Variants in GLT8D2 observed in about 807,000 individuals in gnomAD.
GLT8D2 encodes glycosyltransferase 8 domain containing 2, also known as glycosyltransferase 8 domain-containing protein 2.
Under a neutral mutation model 44.5 loss-of-function variants are expected in GLT8D2, and 45 were observed. The ratio of observed to expected loss-of-function variants is 1.01; its 90% CI spans 0.80 to 1.30. The LOEUF (loss-of-function observed/expected upper bound fraction) is 1.30. Among genes scored for constraint, GLT8D2 ranks in the 50% most tolerant of loss-of-function variants. The pLI, the probability that GLT8D2 is intolerant of heterozygous loss-of-function variation, is 0.00. For missense variants in GLT8D2, 400 were observed against 430.4 expected (o/e 0.93, Z 0.62); for synonymous variants, 156 against 157.2 (o/e 0.99, Z 0.06).
intron 3 of GLT8D2, among the ~76,000 whole-genome samples, chr12:104,019,046 G>T (rs1593547522): frequency 6.6e-6 from 1 of 150,654 alleles, no homozygotes; most frequent in South Asian, 2.1e-4. Context: ...TTCCGAACGA[G>T]AAAATGCATT....
intron 10 of GLT8D2, among the ~76,000 whole-genome samples, chr12:103,991,818 T>C (rs7305770): frequency 0.13 from 12,554 of 94,582 alleles, 1,188 homozygotes; most frequent in African/African-American, 0.31. Flanking sequence ...CACAATTACG[T>C]CCTTTAAAAA....
intron 1 of GLT8D2, among the ~76,000 whole-genome samples, chr12:104,022,547 G>C (rs1167648045): frequency 6.6e-6 from 1 of 152,082 alleles, no homozygotes; most frequent in Non-Finnish European, 1.5e-5. Context: ...TCAGTTGATA[G>C]TCTTACAGGA....
chr12:104,001,462 C>T (rs1874208718), intron 5 of GLT8D2, among the ~76,000 whole-genome samples: 1 of 152,142 alleles, frequency 6.6e-6, no homozygotes, highest in South Asian at 2.1e-4. Flanking sequence ...GCCATGTTGA[C>T]CTTGCCAAAT....
chr12:104,016,612 TGACAAAGGGA>T (rs1013657114), intron 3 of GLT8D2, among the ~76,000 whole-genome samples: 32 of 144,526 alleles, frequency 2.2e-4, no homozygotes, highest in Admixed American at 2.9e-4. Flanking sequence ...CCAGTCTGGG[TGACAAAGGGA>T]GACTCTGTCA....
At chr12:104,054,827 G>A (rs74588563), upstream of GLT8D2, among the ~76,000 whole-genome samples, 5,007 of 152,140 alleles carry the variant, frequency 0.033, 283 homozygotes, top group African/African-American at 0.12. Flanking sequence ...TGCAGCCATG[G>A]GGATAAGAGG....
intron 6 of GLT8D2, among the ~76,000 whole-genome samples, chr12:103,999,131 A>G (rs73177954): frequency 0.019 from 2,911 of 152,154 alleles, 48 homozygotes; most frequent in Middle Eastern, 0.061. Flanking sequence ...TCCCACCCCC[A>G]CAGACATATT....
chr12:104,029,561 T>C (rs1323924379), intron 1 of GLT8D2: 4 of 152,150 alleles, frequency 2.6e-5, no homozygotes, highest in African/African-American at 7.2e-5. Context: ...CTAAATTGGT[T>C]GAGCCATTAT....
rs372098829 is a variant in GLT8D2, at chr12:104,019,680, T to C, written c.-28-4A>G. On this transcript the variant is annotated splice_region_variant and splice_polypyrimidine_tract_variant and intron_variant, in intron 2 of 10. Coordinates refer to ENST00000360814, the MANE Select transcript of GLT8D2 (RefSeq NM_001384711.1). ...TCACGCGGATAAGAACTGTAACCTG[T>C]GGATTAAAGGAAAAAAAATCTGTTT... 11 of 1,597,360 alleles carry C rather than the reference T, an allele frequency of 6.9e-6. No homozygotes were observed. Among genetic ancestry groups the C allele is most frequent in the Non-Finnish European group, 9.4e-6 (11 of 1,168,966 alleles).
At chr12:104,012,532 T>C (rs1876000882) in intron 4 of GLT8D2, 1 of 338,178 alleles carries the variant, frequency 3.0e-6, no homozygotes. Flanking sequence ...AGGGAGTCTG[T>C]GGTGGGATTA....
intron 1 of GLT8D2, among the ~76,000 whole-genome samples, chr12:104,040,091 A>T (rs1228576712): frequency 6.6e-6 from 1 of 152,190 alleles, no homozygotes; most frequent in East Asian, 1.9e-4. Flanking sequence ...GGTGGGAATT[A>T]AACAATAAGA....
chr12:104,012,904 G>A, intron 4 of GLT8D2: 2 of 655,216 alleles, frequency 3.1e-6, no homozygotes, highest in Non-Finnish European at 5.5e-6. Flanking sequence ...GCCACGTGAG[G>A]ACACAGCAAG....
chr12:104,016,894 GAGAA>G (rs1191396247), intron 3 of GLT8D2, among the ~76,000 whole-genome samples: 3 of 137,476 alleles, frequency 2.2e-5, no homozygotes, highest in Non-Finnish European at 3.2e-5. Context: ...AAAATAAAGA[GAGAA>G]AGAAAGAAAG....
Position 104,016,942 on chromosome 12 carries a change from G to C in GLT8D2, c.20-1837C>G, listed in dbSNP as rs200532625. ...AAAGAAATTCTTGCCCTGGTAAACA[G>C]AAGACCTCAATGCCTCCAAGCCTCC... On this transcript the variant is annotated intron_variant, in intron 3 of 10. Coordinates refer to ENST00000360814, the MANE Select transcript of GLT8D2 (RefSeq NM_001384711.1). 6.6e-5 allele frequency among the ~76,000 whole-genome samples: 10 copies of C among 152,190 alleles called. No homozygotes were observed. The East Asian group carries it at 1.5e-3, about 23-fold the overall frequency.
At chr12:104,002,582 G>A (rs1301126424) in intron 5 of GLT8D2, among the ~76,000 whole-genome samples, 1 of 152,094 alleles carries the variant, frequency 6.6e-6, no homozygotes, top group East Asian at 1.9e-4. Context: ...TTTATAATAT[G>A]TTCAAATTTT....
chr12:104,054,017 G>A (rs926494657), upstream of GLT8D2, among the ~76,000 whole-genome samples: 7 of 151,528 alleles, frequency 4.6e-5, no homozygotes, highest in African/African-American at 1.5e-4. Context: ...CAAGATGTAC[G>A]GTGTTGACTT....
intron 5 of GLT8D2, among the ~76,000 whole-genome samples, chr12:104,000,737 G>A (rs1258343229): frequency 6.6e-6 from 1 of 152,148 alleles, no homozygotes; most frequent in African/African-American, 2.4e-5. Flanking sequence ...TTAATGGGCT[G>A]TTAACAACAG....
At chr12:104,044,692 C>T (rs1450553399) in intron 1 of GLT8D2, among the ~76,000 whole-genome samples, 2 of 152,230 alleles carry the variant, frequency 1.3e-5, no homozygotes. Context: ...GTACACTGCC[C>T]TTCCTCAATC....
intron 2 of GLT8D2, among the ~76,000 whole-genome samples, chr12:104,020,355 T>C (rs796314669): frequency 2.6e-5 from 4 of 152,298 alleles, no homozygotes; most frequent in Non-Finnish European, 4.4e-5. Context: ...CTTTCTACTA[T>C]CATAACTTCG....
chr12:104,025,427 T>G (rs775657676), intron 1 of GLT8D2, among the ~76,000 whole-genome samples: 1 of 152,096 alleles, frequency 6.6e-6, no homozygotes, highest in Non-Finnish European at 1.5e-5. Flanking sequence ...CAGGCTGGTC[T>G]TGAACTCCTG....
Sources: gnomAD v4.1 joint callset for allele counts (sites outside exome capture counted in the v4.1 genomes callset) on GRCh38, gnomAD v4.1.1 for gene constraint, MANE v1.5 for transcripts, NCBI Gene and HGNC (gene_info 2026-07-23, HGNC 2026-07-21) for gene names.